NEK11: variants seen among roughly 807,000 people sequenced by gnomAD.
NEK11 encodes the protein serine/threonine-protein kinase Nek11.
In NEK11, 72 loss-of-function variants were observed where a neutral mutation model predicts 80.7. The ratio of observed to expected loss-of-function variants is 0.89; its 90% CI spans 0.74 to 1.08. NEK11 has a LOEUF of 1.08. Ranked by LOEUF, NEK11 falls within the 50% of genes least tolerant of loss-of-function variation. NEK11 has a pLI of 0.00. For synonymous variants in NEK11, 251 were observed against 260.7 expected (o/e 0.96, Z 0.36); for missense variants, 764 against 763.6 (o/e 1.00, Z -0.01).
chr3:131,225,535 C>T (rs547351517), intron 14 of NEK11, among the ~76,000 whole-genome samples: 6 of 152,188 alleles, frequency 3.9e-5, no homozygotes, highest in Non-Finnish European at 7.3e-5. Context: ...GTAATGTTCA[C>T]AACAATTCCA....
chr3:131,317,055 G>GTTT lies in NEK11; in HGVS notation c.1719-32502_1719-32501insTTT, dbSNP rs2096847888. On this transcript the variant is annotated intron_variant, in intron 17 of 17. Coordinates refer to ENST00000383366, the MANE Select transcript of NEK11 (RefSeq NM_024800.5). ...TGGACTCAAACTATTTTAATGCTGG[G>GTTT]CCTTTAGGCAATAATTTCCTTTTTG... Among the ~76,000 whole-genome samples the GTTT allele has an allele frequency of 2.6e-5, 4 of 152,268 alleles. No homozygotes were observed. The South Asian group carries it at 8.3e-4, about 32-fold the overall frequency.
chr3:131,183,029 T>C (rs1018168364), intron 14 of NEK11, among the ~76,000 whole-genome samples: 1 of 152,332 alleles, frequency 6.6e-6, no homozygotes, highest in Middle Eastern at 3.4e-3. Flanking sequence ...CAAATAAATT[T>C]AGCCTCCTTT....
chr3:131,306,745 T>C (rs1368025705), intron 17 of NEK11, among the ~76,000 whole-genome samples: 1 of 152,214 alleles, frequency 6.6e-6, no homozygotes, highest in Non-Finnish European at 1.5e-5. Flanking sequence ...GAGCTGTTTC[T>C]CCCATATTTA....
intron 14 of NEK11, among the ~76,000 whole-genome samples, chr3:131,199,528 T>C (rs768455632): frequency 6.6e-6 from 1 of 152,106 alleles, no homozygotes; most frequent in Non-Finnish European, 1.5e-5. Flanking sequence ...AATTAACATT[T>C]TTATTCAACA....
chr3:131,335,615 C>T (rs1169423841), intron 17 of NEK11, among the ~76,000 whole-genome samples: 1 of 152,090 alleles, frequency 6.6e-6, no homozygotes, highest in East Asian at 1.9e-4. Flanking sequence ...ACGTTCTGGC[C>T]AGGGCAATTA....
chr3:131,160,979 T>C (rs982209806), intron 10 of NEK11, among the ~76,000 whole-genome samples: 3 of 151,904 alleles, frequency 2.0e-5, no homozygotes, highest in Admixed American at 6.5e-5. Context: ...GGTCAAGAGA[T>C]CGAGACCATC....
chr3:131,273,362 T>C, intron 16 of NEK11, 116 bp from the exon 17 acceptor site: 1 of 663,680 alleles, frequency 1.5e-6, no homozygotes, highest in Non-Finnish European at 2.7e-6. Context: ...CTAATTAATG[T>C]AGCATTACCA....
At chr3:131,291,799 CTTATT>C (rs1430240807) in intron 17 of NEK11, among the ~76,000 whole-genome samples, 4 of 151,990 alleles carry the variant, frequency 2.6e-5, no homozygotes, top group African/African-American at 9.7e-5. Context: ...TGTTTGTTAT[CTTATT>C]GTTGAGTTTT....
intron 17 of NEK11, among the ~76,000 whole-genome samples, chr3:131,337,599 A>G (rs534697189): frequency 1.3e-5 from 2 of 151,806 alleles, no homozygotes; most frequent in South Asian, 4.2e-4. Flanking sequence ...CATGTACCCT[A>G]AAACTTAAAG....
chr3:131,137,449 T>C (rs1320267437), intron 7 of NEK11, among the ~76,000 whole-genome samples: 1 of 152,036 alleles, frequency 6.6e-6, no homozygotes, highest in African/African-American at 2.4e-5. Context: ...CTTCATCAGC[T>C]CCCTCCTGGT....
intron 4 of NEK11, among the ~76,000 whole-genome samples, chr3:131,107,792 G>C (rs182566652): frequency 6.6e-6 from 1 of 151,954 alleles, no homozygotes; most frequent in East Asian, 1.9e-4. Context: ...GTTATTCAAG[G>C]GTCAACTGTA....
intron 3 of NEK11, among the ~76,000 whole-genome samples, chr3:131,070,652 T>C (rs2073116289): frequency 6.6e-6 from 1 of 152,196 alleles, no homozygotes; most frequent in Non-Finnish European, 1.5e-5. Context: ...TTTTCTTTAA[T>C]GCTAGGGAAG....
rs533634915 is a variant in NEK11, at chr3:131,256,947, C to A, written c.1621+13451C>A. On this transcript the variant is annotated intron_variant, in intron 16 of 17. Coordinates refer to ENST00000383366, the MANE Select transcript of NEK11 (RefSeq NM_024800.5). The stretch of plus-strand genomic sequence containing the variant: ...ATGTGGCTGATGTTCCTACCGCAAA[C>A]CTGCCTGGATGGACTTCATGTGGTC... Among the ~76,000 whole-genome samples, 4 of 152,166 alleles carry A rather than the reference C, an allele frequency of 2.6e-5. No homozygotes were observed. In the East Asian group the frequency reaches 7.7e-4, roughly 29 times the overall value.
chr3:131,109,825 T>C lies in NEK11; in HGVS notation c.359T>C (p.Ile120Thr), dbSNP rs749410135. The change falls in exon 5 of 18, where the codon ATT becomes ACT. Residue 120 changes from isoleucine to threonine, a missense_variant. Transcript: ENST00000383366. ...YCEGRDLDDK[I>T]QEYKQAGKIF... Reference sequence around the variant, plus strand: ...CAGGGCCGAGATCTGGACGATAAAATTCAGGAATATAAACAAGCTGGAAAA... The same window carrying C: ...CAGGGCCGAGATCTGGACGATAAAACTCAGGAATATAAACAAGCTGGAAAA... 9.4e-6 allele frequency: 15 copies of C among 1,602,312 alleles called. No individual in the cohort carries two copies. Among genetic ancestry groups the C allele is most frequent in the Non-Finnish European group, 1.2e-5 (14 of 1,176,504 alleles).
In NEK11 at chr3:131,207,586, A is replaced by AC; in HGVS notation, c.1400-20942_1400-20941insC. 1.3e-5 allele frequency among the ~76,000 whole-genome samples: 2 copies of AC among 151,980 alleles called. 1 individual carries two copies. Among genetic ancestry groups the AC allele is most frequent in the South Asian group, 4.2e-4 (2 of 4,798 alleles). ...AGAGTGAGACTCTATCTCAAGAAAAAAAAAAAGTGTTCCTATTTCTCCACA... is the reference window on the plus strand; with the variant it reads ...AGAGTGAGACTCTATCTCAAGAAAAACAAAAAAGTGTTCCTATTTCTCCACA... On this transcript the variant is annotated intron_variant, in intron 14 of 17. Transcript: ENST00000383366.
At chr3:131,117,798 G>A (rs574554811) in intron 5 of NEK11, among the ~76,000 whole-genome samples, 4 of 152,300 alleles carry the variant, frequency 2.6e-5, no homozygotes, top group Non-Finnish European at 5.9e-5. Flanking sequence ...GTACAGGAAT[G>A]CTTGTGATTT....
intron 10 of NEK11, among the ~76,000 whole-genome samples, chr3:131,159,435 A>C (rs1357525286): frequency 1.3e-5 from 2 of 152,236 alleles, no homozygotes; most frequent in South Asian, 4.1e-4. Flanking sequence ...AGTATAGAAA[A>C]GAATGTAACT....
intron 17 of NEK11, among the ~76,000 whole-genome samples, chr3:131,346,798 T>C (rs1251706792): frequency 6.6e-6 from 1 of 151,530 alleles, no homozygotes; most frequent in Non-Finnish European, 1.5e-5. Flanking sequence ...GATTAGAGAG[T>C]AGGAGGCTTG....
At chr3:131,119,229 G>A (rs896411544) in intron 5 of NEK11, among the ~76,000 whole-genome samples, 12 of 152,024 alleles carry the variant, frequency 7.9e-5, no homozygotes, top group South Asian at 2.1e-4. Flanking sequence ...TGTTATGTAC[G>A]CAGTAGTCAT....
Sources: allele counts gnomAD v4.1 joint callset (sites outside exome capture counted in the v4.1 genomes callset), GRCh38; gene constraint gnomAD v4.1.1; transcripts MANE v1.5; gene names NCBI Gene and HGNC (gene_info 2026-07-23, HGNC 2026-07-21).